PVT1: variants seen among roughly 807,000 people sequenced by gnomAD.
The protein encoded by PVT1 is CXCR4/PVT1 fusion.
intron 5 of PVT1, among the ~76,000 whole-genome samples, chr8:128,078,081 G>C (rs1400858976): frequency 1.3e-5 from 2 of 152,176 alleles, no homozygotes; most frequent in Non-Finnish European, 2.9e-5. Flanking sequence ...TGGAGCTTCA[G>C]TTTATGCCTG....
intron 3 of PVT1, among the ~76,000 whole-genome samples, chr8:127,899,036 G>T (rs1192896695): frequency 6.6e-6 from 1 of 152,220 alleles, no homozygotes; most frequent in Non-Finnish European, 1.5e-5. Flanking sequence ...AGTGGGAGAT[G>T]ATGGCATAAA....
chr8:127,946,168 G>C (rs940551670), intron 3 of PVT1, among the ~76,000 whole-genome samples: 2 of 152,140 alleles, frequency 1.3e-5, no homozygotes, highest in African/African-American at 4.8e-5. Context: ...AGGGCGATTG[G>C]CCTTTCTGCT....
At chr8:127,831,820 G>A (rs1220078395) in intron 2 of PVT1, among the ~76,000 whole-genome samples, 1 of 152,222 alleles carries the variant, frequency 6.6e-6, no homozygotes, top group East Asian at 1.9e-4. Flanking sequence ...CTTGGCAAGA[G>A]CGCCTCATGG....
In PVT1 at chr8:127,841,665, G is replaced by A. The variant is rs534207772; in HGVS notation, n.372+45594G>A. On this transcript the variant is annotated intron_variant and non_coding_transcript_variant, in intron 2 of 10. Coordinates refer to ENST00000651587, the Ensembl canonical transcript of PVT1. The stretch of plus-strand genomic sequence containing the variant: ...TCCAAGTCTTGACCCCAGACTTGGT[G>A]TACTTCTCATCACAGATGCAATTTT... 2.6e-5 allele frequency among the ~76,000 whole-genome samples: 4 copies of A among 152,244 alleles called. No homozygotes were observed. In the East Asian group the frequency reaches 7.7e-4, roughly 29 times the overall value.
chr8:128,077,202 C>T (rs1045494532), intron 5 of PVT1, among the ~76,000 whole-genome samples: 3 of 152,214 alleles, frequency 2.0e-5, no homozygotes, highest in African/African-American at 7.2e-5. Context: ...CATAGCCCAT[C>T]TAAGTGTCTG....
intron 2 of PVT1, among the ~76,000 whole-genome samples, chr8:127,872,365 A>G (rs865898537): frequency 6.6e-6 from 1 of 152,166 alleles, no homozygotes; most frequent in African/African-American, 2.4e-5. Flanking sequence ...GTGAGCTGAG[A>G]TTGCGCCACT....
At chr8:127,927,354 A>G (rs1816143004) in intron 3 of PVT1, among the ~76,000 whole-genome samples, 1 of 152,022 alleles carries the variant, frequency 6.6e-6, no homozygotes, top group South Asian at 2.1e-4. Flanking sequence ...AGTTGTCATC[A>G]CCCATCCAGG....
exon 1 of PVT1, chr8:127,794,541 A>G (rs1814371787): frequency 6.6e-6 from 1 of 151,210 alleles, no homozygotes. Context: ...TCCTCCGGGC[A>G]GAGCGCGTGT....
chr8:127,876,560 C>T (rs1260079616), intron 2 of PVT1, among the ~76,000 whole-genome samples: 1 of 151,992 alleles, frequency 6.6e-6, no homozygotes, highest in Non-Finnish European at 1.5e-5. Flanking sequence ...CATCTCCTCC[C>T]GCTTTCGTCC....
At chr8:127,849,320 A>G (rs905295317) in intron 2 of PVT1, among the ~76,000 whole-genome samples, 9 of 152,052 alleles carry the variant, frequency 5.9e-5, no homozygotes, top group African/African-American at 1.9e-4. Flanking sequence ...TTGGTGACAA[A>G]GTGGAAGTAA....
intron 2 of PVT1, among the ~76,000 whole-genome samples, chr8:127,836,876 C>T (rs947203501): frequency 3.9e-5 from 6 of 152,028 alleles, no homozygotes; most frequent in East Asian, 1.9e-4. Context: ...GCTGCTGGGC[C>T]GGGAGTCCCC....
intron 3 of PVT1, among the ~76,000 whole-genome samples, chr8:127,959,612 A>G (rs1421845695): frequency 7.2e-6 from 1 of 138,994 alleles, no homozygotes; most frequent in Non-Finnish European, 1.6e-5. Flanking sequence ...AAAAAAAAAG[A>G]CCCAGTGCCT....
At chr8:127,994,579 C>G (rs1488001798) in intron 4 of PVT1, among the ~76,000 whole-genome samples, 2 of 152,234 alleles carry the variant, frequency 1.3e-5, no homozygotes, top group Non-Finnish European at 2.9e-5. Flanking sequence ...GTATCCATGT[C>G]TATATCAATA....
Position 127,852,811 on chromosome 8 carries a change from G to A in PVT1, n.373-37778G>A, listed in dbSNP as rs540873829. On this transcript the variant is annotated intron_variant and non_coding_transcript_variant, in intron 2 of 10. Transcript: ENST00000651587. ...GCTGTTCTCTAGGTTCTGGACACACGTTATGACATGTTCTGATGATCTGGC... is the reference window on the plus strand; with the variant it reads ...GCTGTTCTCTAGGTTCTGGACACACATTATGACATGTTCTGATGATCTGGC... Among the ~76,000 whole-genome samples, 4 of 152,294 alleles carry A rather than the reference G, an allele frequency of 2.6e-5. No homozygotes were observed. The East Asian group carries it at 7.7e-4, about 29-fold the overall frequency.
At chr8:128,081,761 T>C (rs1563682575) in intron 5 of PVT1, among the ~76,000 whole-genome samples, 1 of 152,180 alleles carries the variant, frequency 6.6e-6, no homozygotes, top group Non-Finnish European at 1.5e-5. Context: ...ACCACTTCAC[T>C]GTACAGATGA....
chr8:128,039,926 TATG>T (rs1225890610), intron 4 of PVT1, among the ~76,000 whole-genome samples: 1 of 152,196 alleles, frequency 6.6e-6, no homozygotes, highest in African/African-American at 2.4e-5. Flanking sequence ...CCGTAAGAAA[TATG>T]ATCCCGATTG....
At chr8:127,949,643 C>A (rs2129924229) in intron 3 of PVT1, among the ~76,000 whole-genome samples, 1 of 152,226 alleles carries the variant, frequency 6.6e-6, no homozygotes, top group Non-Finnish European at 1.5e-5. Context: ...ACACCTCTCA[C>A]ATGGTTAAAC....
intron 3 of PVT1, among the ~76,000 whole-genome samples, chr8:127,980,722 G>A (rs945336647): frequency 2.0e-5 from 3 of 151,794 alleles, no homozygotes; most frequent in Non-Finnish European, 2.9e-5. Flanking sequence ...GAAGAATGGA[G>A]GAACCATTCT....
chr8:127,864,070 A>AG (rs1355969511), intron 2 of PVT1, among the ~76,000 whole-genome samples: 1 of 152,214 alleles, frequency 6.6e-6, no homozygotes, highest in African/African-American at 2.4e-5. Flanking sequence ...CTGCCATCCA[A>AG]GGGGAAAGAA....
Sources: gnomAD v4.1 joint callset for allele counts (sites outside exome capture counted in the v4.1 genomes callset) on GRCh38, gnomAD v4.1.1 for gene constraint, MANE v1.5 for transcripts, NCBI Gene and HGNC (gene_info 2026-07-23, HGNC 2026-07-21) for gene names.